The following SDK1 variants were observed in gnomAD, a reference collection of about 807,000 sequenced individuals.
The protein encoded by SDK1 is sidekick cell adhesion molecule 1.
In SDK1, 157 loss-of-function variants were observed where a neutral mutation model predicts 245.5. The ratio of observed to expected loss-of-function variants is 0.64; its 90% CI spans 0.56 to 0.73. The LOEUF (loss-of-function observed/expected upper bound fraction) is 0.73. SDK1 is among the 30% of genes least tolerant of loss of function. SDK1 has a pLI of 0.00. For missense variants in SDK1, 3,583 were observed against 3,002.3 expected (o/e 1.19, Z -4.52); for synonymous variants, 1,647 against 1,278.5 (o/e 1.29, Z -6.15).
At chr7:3,669,305 A>G (rs1254673724) in intron 4 of SDK1, among the ~76,000 whole-genome samples, 2 of 152,222 alleles carry the variant, frequency 1.3e-5, no homozygotes, top group Non-Finnish European at 2.9e-5. Flanking sequence ...AGATACAGAA[A>G]CAGATTAACT....
intron 4 of SDK1, among the ~76,000 whole-genome samples, chr7:3,685,740 C>A (rs938464081): frequency 5.3e-5 from 8 of 151,560 alleles, no homozygotes; most frequent in African/African-American, 1.7e-4. Context: ...ATTGTGATAC[C>A]CATATAACCA....
chr7:3,761,107 T>G (rs962947338), intron 4 of SDK1, among the ~76,000 whole-genome samples: 2 of 152,198 alleles, frequency 1.3e-5, no homozygotes, highest in African/African-American at 2.4e-5. Flanking sequence ...TGTAAAGATT[T>G]GTAAATATTT....
chr7:4,025,320 C>T (rs1414994164), intron 17 of SDK1, among the ~76,000 whole-genome samples: 1 of 152,216 alleles, frequency 6.6e-6, no homozygotes, highest in Non-Finnish European at 1.5e-5. Context: ...GGCTATGAAG[C>T]CTGTCTTATC....
At chr7:3,557,541 C>T (rs967273729) in intron 1 of SDK1, among the ~76,000 whole-genome samples, 1 of 152,172 alleles carries the variant, frequency 6.6e-6, no homozygotes, top group Non-Finnish European at 1.5e-5. Flanking sequence ...CATGTGCTAA[C>T]ATTTTATAGA....
chr7:3,680,121 T>C (rs1021842802), intron 4 of SDK1, among the ~76,000 whole-genome samples: 1 of 152,162 alleles, frequency 6.6e-6, no homozygotes, highest in Non-Finnish European at 1.5e-5. Context: ...AATGAATGAA[T>C]GAATGAACCA....
rs569880883 is a variant in SDK1 at position 4,123,315 on chromosome 7, G to A, written c.3824-4066G>A. 1.2e-4 allele frequency among the ~76,000 whole-genome samples: 18 copies of A among 152,200 alleles called. No individual in the cohort carries two copies. The South Asian group carries it at 1.4e-3, about 12-fold the overall frequency. On this transcript the variant is annotated intron_variant, in intron 25 of 44. Transcript: ENST00000404826. ...CCTTATTCTAAATATATTCGGATACGTTGTAGGTTTACATTTTTTTTTTAA... is the reference window on the plus strand; with the variant it reads ...CCTTATTCTAAATATATTCGGATACATTGTAGGTTTACATTTTTTTTTTAA...
intron 1 of SDK1, among the ~76,000 whole-genome samples, chr7:3,429,280 G>C (rs1271564106): frequency 1.3e-5 from 2 of 152,148 alleles, no homozygotes; most frequent in African/African-American, 4.8e-5. Context: ...AGGTCTTCTA[G>C]ATTACTTTTA....
chr7:3,360,229 G>C (rs562901538), intron 1 of SDK1, among the ~76,000 whole-genome samples: 3 of 152,240 alleles, frequency 2.0e-5, no homozygotes, highest in African/African-American at 7.2e-5. Context: ...TATATTCCTG[G>C]ATAGCCCCAG....
intron 17 of SDK1, among the ~76,000 whole-genome samples, chr7:4,025,698 A>G (rs564566230): frequency 1.3e-5 from 2 of 152,310 alleles, no homozygotes; most frequent in East Asian, 3.9e-4. Context: ...AAAGCATAAA[A>G]TAGATGTCTG....
chr7:4,259,137 T>C (rs1787809568), intron 44 of SDK1, among the ~76,000 whole-genome samples: 1 of 152,150 alleles, frequency 6.6e-6, no homozygotes, highest in Non-Finnish European at 1.5e-5. Flanking sequence ...AGAAAACAGA[T>C]GAAGAATAAA....
At chr7:4,178,365 C>T in intron 34 of SDK1, 120 bp from the exon 35 acceptor site, 1 of 751,188 alleles carries the variant, frequency 1.3e-6, no homozygotes, top group Admixed American at 2.0e-5. Context: ...AGATTTCTAA[C>T]AATCCCGCCT....
At chr7:3,710,972 A>C (rs946109940) in intron 4 of SDK1, among the ~76,000 whole-genome samples, 1 of 152,214 alleles carries the variant, frequency 6.6e-6, no homozygotes, top group Non-Finnish European at 1.5e-5. Context: ...TTTTCTTTAC[A>C]TGTATATCAG....
At chr7:4,002,295 AC>A (rs1476991091) in intron 14 of SDK1, among the ~76,000 whole-genome samples, 17 of 152,076 alleles carry the variant, frequency 1.1e-4, no homozygotes, top group African/African-American at 3.1e-4. Context: ...CCGAAGCCTC[AC>A]CCCAAGCAGT....
At chr7:3,680,031 C>A (rs1308615650) in intron 4 of SDK1, among the ~76,000 whole-genome samples, 1 of 152,026 alleles carries the variant, frequency 6.6e-6, no homozygotes, top group Non-Finnish European at 1.5e-5. Flanking sequence ...TCAGAAACCA[C>A]TCAGATGTTC....
At position 3,910,548 on chromosome 7, in the gene SDK1, T is replaced by G. The variant is rs538636303; in HGVS notation, c.848-40375T>G. 7.2e-5 allele frequency among the ~76,000 whole-genome samples: 11 copies of G among 152,278 alleles called. No individual in the cohort carries two copies. In the South Asian group the frequency reaches 2.3e-3, roughly 32 times the overall value. ...GAGTCATCGTGCCATTCGGTTACCT[T>G]CGGCGCTACCATCCTAGTCTGAAGC... is the stretch of plus-strand genomic sequence containing the variant. On this transcript the variant is annotated intron_variant, in intron 5 of 44. Coordinates refer to ENST00000404826, the MANE Select transcript of SDK1 (RefSeq NM_152744.4).
chr7:3,956,002 C>T (rs1015958436), intron 7 of SDK1, among the ~76,000 whole-genome samples: 1 of 152,196 alleles, frequency 6.6e-6, no homozygotes, highest in African/African-American at 2.4e-5. Flanking sequence ...TGGCCTTTTC[C>T]TAACACCCTG....
intron 4 of SDK1, among the ~76,000 whole-genome samples, chr7:3,688,108 G>T (rs1784343768): frequency 6.6e-6 from 1 of 152,260 alleles, no homozygotes; most frequent in Non-Finnish European, 1.5e-5. Context: ...TCAGTGCTCA[G>T]TGTAGTAATG....
At chr7:3,842,008 T>C (rs1780170699) in intron 5 of SDK1, among the ~76,000 whole-genome samples, 1 of 152,188 alleles carries the variant, frequency 6.6e-6, no homozygotes, top group Non-Finnish European at 1.5e-5. Flanking sequence ...CTCCTCCACC[T>C]CCATGGCTGT....
At chr7:3,467,633 A>G (rs566802045) in intron 1 of SDK1, among the ~76,000 whole-genome samples, 3 of 152,076 alleles carry the variant, frequency 2.0e-5, no homozygotes, top group Middle Eastern at 3.2e-3. Context: ...TTTTGCAGCT[A>G]TTAAATTTTC....
Sources: allele counts gnomAD v4.1 joint callset (sites outside exome capture counted in the v4.1 genomes callset), GRCh38; gene constraint gnomAD v4.1.1; transcripts MANE v1.5; gene names NCBI Gene and HGNC (gene_info 2026-07-23, HGNC 2026-07-21).